PHF20: variants seen among roughly 807,000 people sequenced by gnomAD.
PHF20 encodes the protein PHD finger protein 20.
PHF20 carries 23 observed loss-of-function variants against 113.5 expected under a neutral mutation model. The ratio of observed to expected loss-of-function variants is 0.20; its 90% CI spans 0.15 to 0.29. The LOEUF is 0.29. PHF20 is among the 10% of genes least tolerant of loss of function. PHF20 has a pLI of 1.00. For synonymous variants in PHF20, 434 were observed against 457.3 expected (o/e 0.95, Z 0.65); for missense variants, 943 against 1,219.6 (o/e 0.77, Z 3.38).
At chr20:35,784,146 A>G (rs1211877252) in intron 1 of PHF20, among the ~76,000 whole-genome samples, 1 of 142,366 alleles carries the variant, frequency 7.0e-6, no homozygotes, top group Non-Finnish European at 1.5e-5. Flanking sequence ...CTCCACCTCC[A>G]GGGTTCAAGC....
chr20:35,941,067 C>T lies in PHF20; in HGVS notation c.2896+20C>T, dbSNP rs762369051. ...TGGATGGTAGGGCTCCTTCATTGGC[C>T]CCCTGTGCATTGGCATGCAGTCGAG... On this transcript the variant is annotated intron_variant, in intron 17 of 17. Transcript: ENST00000374012. 6.2e-7 allele frequency: 1 copy of T among 1,604,952 alleles called. No individual in the cohort carries two copies. Among genetic ancestry groups the T allele is most frequent in the Non-Finnish European group, 8.5e-7 (1 of 1,173,922 alleles).
intron 4 of PHF20, among the ~76,000 whole-genome samples, chr20:35,856,902 T>C (rs528512008): frequency 6.6e-6 from 1 of 152,304 alleles, no homozygotes; most frequent in African/African-American, 2.4e-5. Flanking sequence ...GGAAAATTAT[T>C]GGGGTCAGAT....
intron 10 of PHF20, among the ~76,000 whole-genome samples, chr20:35,905,465 T>G (rs1433311954): frequency 1.3e-5 from 2 of 149,450 alleles, no homozygotes; most frequent in Non-Finnish European, 3.0e-5. Context: ...ATGATGGGAT[T>G]AGTGGCATTA....
chr20:35,948,631 T>G lies in PHF20; in HGVS notation c.*1004T>G, dbSNP rs535415789. 6 of 152,654 alleles carry G rather than the reference T, an allele frequency of 3.9e-5. No individual in the cohort carries two copies. The highest frequency in any genetic ancestry group is 8.8e-5 in the Non-Finnish European group (6 of 68,036). The allele number at this position is 152,654 out of a possible 1,614,324, so 9.5% of individuals were successfully genotyped here. On this transcript the variant is annotated 3_prime_UTR_variant, in exon 18 of 18. Transcript: ENST00000374012. Reference sequence around the variant, plus strand: ...TACTTTAACATTTTACATTTCCTGTTTGTATTATTTTGTGAGAGCAAGGTG... The same window carrying G: ...TACTTTAACATTTTACATTTCCTGTGTGTATTATTTTGTGAGAGCAAGGTG...
rs1197817974 is a variant in PHF20 at position 35,780,844 on chromosome 20, T to A, written c.-33+8765T>A. ...ATTACAGACATGAGCCACTGGTGCCTGGCCCTTTTTTTTTTTTTTTTTTTT... is the reference window on the plus strand; with the variant it reads ...ATTACAGACATGAGCCACTGGTGCCAGGCCCTTTTTTTTTTTTTTTTTTTT... On this transcript the variant is annotated intron_variant, in intron 1 of 17. Coordinates refer to ENST00000374012, the MANE Select transcript of PHF20 (RefSeq NM_016436.5). Among the ~76,000 whole-genome samples the A allele has an allele frequency of 2.1e-5, 3 of 143,304 alleles. No individual in the cohort carries two copies. The East Asian group carries it at 6.0e-4, about 29-fold the overall frequency. 94.0% of individuals were successfully genotyped at this position (143,304 alleles called of 152,430 possible).
intron 1 of PHF20, among the ~76,000 whole-genome samples, chr20:35,797,013 GT>G (rs1184753867): frequency 2.0e-5 from 3 of 150,922 alleles, no homozygotes; most frequent in African/African-American, 2.4e-5. Context: ...AAATTTGCAG[GT>G]TTTTTTTTGG....
intron 2 of PHF20, among the ~76,000 whole-genome samples, chr20:35,808,721 C>T (rs912511410): frequency 6.6e-6 from 1 of 151,690 alleles, no homozygotes; most frequent in South Asian, 2.1e-4. Context: ...TACAGGCGCC[C>T]GCCACCACGC....
intron 2 of PHF20, among the ~76,000 whole-genome samples, chr20:35,824,304 A>T (rs1004747185): frequency 1.3e-5 from 2 of 151,826 alleles, no homozygotes; most frequent in Non-Finnish European, 2.9e-5. Flanking sequence ...TATAGTTTAC[A>T]TGTTATAAAA....
intron 17 of PHF20, among the ~76,000 whole-genome samples, chr20:35,945,877 A>G (rs894964609): frequency 1.3e-5 from 2 of 152,208 alleles, no homozygotes; most frequent in Non-Finnish European, 2.9e-5. Flanking sequence ...TACATTAAAT[A>G]TTTAAAGGGG....
chr20:35,780,654 C>T (rs1365722995), intron 1 of PHF20, among the ~76,000 whole-genome samples: 2 of 149,508 alleles, frequency 1.3e-5, no homozygotes, highest in East Asian at 3.9e-4. Context: ...TCAAGTGATT[C>T]TCCTGCCTCA....
At chr20:35,888,912 T>C (rs1420765307) in intron 9 of PHF20, among the ~76,000 whole-genome samples, 1 of 152,002 alleles carries the variant, frequency 6.6e-6, no homozygotes, top group Non-Finnish European at 1.5e-5. Flanking sequence ...AAATGAACTG[T>C]CCTCCCATAG....
At chr20:35,804,343 C>T (rs910600965) in intron 2 of PHF20, among the ~76,000 whole-genome samples, 7 of 150,718 alleles carry the variant, frequency 4.6e-5, no homozygotes, top group Admixed American at 2.0e-4. Context: ...ACGCCATTCT[C>T]CTGCCTCAGC....
chr20:35,794,174 A>G (rs1159382123), intron 1 of PHF20, among the ~76,000 whole-genome samples: 1 of 151,108 alleles, frequency 6.6e-6, no homozygotes, highest in Non-Finnish European at 1.5e-5. Context: ...GGTGGCACAT[A>G]CCTGTAATCC....
chr20:35,938,910 G>A lies in PHF20; in HGVS notation c.2514G>A (p.Glu838=). The part of the protein sequence containing the change: ...RSVEESYITS[E]HCYQKPRAYY... ...TGGAGGAATCCTATATCACCAGTGA[G>A]CATTGCTACCAGAAGCCCCGCGCCT... Residue 838 remains glutamate, a synonymous_variant, in exon 16 of 18, where the codon GAG becomes GAA. Transcript: ENST00000374012. 6.2e-7 allele frequency: 1 copy of A among 1,614,228 alleles called. No homozygotes were observed. Among genetic ancestry groups the A allele is most frequent in the Non-Finnish European group, 8.5e-7 (1 of 1,180,036 alleles).
intron 10 of PHF20, among the ~76,000 whole-genome samples, chr20:35,903,077 C>CTTTTTTTTTTTTTTTTTTTTTTTTTTTTT (rs376888832): frequency 1.7e-5 from 1 of 60,008 alleles, no homozygotes; most frequent in Non-Finnish European, 3.3e-5. Flanking sequence ...CCTATCCTTT[C>CTTTTTTTTTTTTTTTTTTTTTTTTTTTTT]TTTTTTTTTT....
chr20:35,934,693 G>C (rs1050550960), intron 15 of PHF20, among the ~76,000 whole-genome samples: 1 of 151,712 alleles, frequency 6.6e-6, no homozygotes, highest in Non-Finnish European at 1.5e-5. Context: ...GGGCAGGCTG[G>C]GCAGGTGGCC....
intron 2 of PHF20, among the ~76,000 whole-genome samples, chr20:35,837,018 A>G (rs899718226): frequency 2.0e-5 from 3 of 151,848 alleles, no homozygotes; most frequent in Non-Finnish European, 2.9e-5. Flanking sequence ...AAAAATACCA[A>G]AAAAGTATCT....
chr20:35,903,048 GTTTCCTTTCC>G (rs142226239), intron 10 of PHF20, among the ~76,000 whole-genome samples: 4 of 85,316 alleles, frequency 4.7e-5, no homozygotes. Flanking sequence ...AGTGATTTTC[GTTTCCTTTCC>G]TTTCCTTTCC....
At position 35,849,226 on chromosome 20, in the gene PHF20, A is replaced by G. The variant is rs534447659; in HGVS notation, c.340+1792A>G. On this transcript the variant is annotated intron_variant, in intron 4 of 17. Transcript: ENST00000374012. ...TATTGGCCACCCAGATTGTGAAGGAAAGCTAGCCTTTGTAGGAGCTCAGAT... is the reference window on the plus strand; with the variant it reads ...TATTGGCCACCCAGATTGTGAAGGAGAGCTAGCCTTTGTAGGAGCTCAGAT... Among the ~76,000 whole-genome samples the G allele has an allele frequency of 9.9e-4, 151 of 152,166 alleles. 1 individual carries two copies. The highest frequency in any genetic ancestry group is 1.1e-3 in the Non-Finnish European group (73 of 68,010).
Sources: allele counts gnomAD v4.1 joint callset (sites outside exome capture counted in the v4.1 genomes callset), GRCh38; gene constraint gnomAD v4.1.1; transcripts MANE v1.5; gene names NCBI Gene and HGNC (gene_info 2026-07-23, HGNC 2026-07-21).